The following USB1 variants were observed in gnomAD, a reference collection of about 807,000 sequenced individuals.
The protein encoded by USB1 is U6 snRNA phosphodiesterase 1.
A neutral mutation model predicts 29.9 loss-of-function variants in USB1; 21 were observed. That is an observed-to-expected ratio of 0.70 (90% CI 0.50 to 1.01). The LOEUF (loss-of-function observed/expected upper bound fraction) is 1.01. USB1 is among the 50% of genes least tolerant of loss of function. USB1 has a pLI of 0.00. For missense variants in USB1, 330 were observed against 347.1 expected (o/e 0.95, Z 0.39); for synonymous variants, 143 against 134.9 (o/e 1.06, Z -0.42).
chr16:58,014,215 T>C (rs1309405989), intron 3 of USB1, 58 bp from the exon 4 acceptor site: 2 of 1,385,396 alleles, frequency 1.4e-6, no homozygotes, highest in African/African-American at 2.9e-5. Flanking sequence ...TAACATAAGC[T>C]ATTTTTTCTG....
intron 6 of USB1, among the ~76,000 whole-genome samples, chr16:58,019,707 T>G (rs1294843391): frequency 1.3e-5 from 2 of 152,202 alleles, no homozygotes; most frequent in Non-Finnish European, 2.9e-5. Flanking sequence ...GATTTTTACA[T>G]GTAATCTGTC....
chr16:58,009,445 C>T (rs999423848), intron 2 of USB1, among the ~76,000 whole-genome samples: 93 of 152,216 alleles, frequency 6.1e-4, no homozygotes, highest in African/African-American at 2.2e-3. Flanking sequence ...GGAGGCTGGG[C>T]GCAGTGGCTC....
chr16:58,014,414 T>C (rs1461756521), intron 4 of USB1, 88 bp downstream of exon 4: 4 of 1,234,282 alleles, frequency 3.2e-6, no homozygotes, highest in African/African-American at 1.5e-5. Context: ...GTTTGTCCCA[T>C]TTTTTGTTTG....
chr16:58,009,629 G>T (rs1963443042), intron 2 of USB1, among the ~76,000 whole-genome samples: 2 of 151,808 alleles, frequency 1.3e-5, no homozygotes, highest in Admixed American at 6.6e-5. Flanking sequence ...GGAGGCTGAG[G>T]CAGGAGAATG....
intron 4 of USB1, chr16:58,017,056 G>A: frequency 4.4e-6 from 2 of 458,352 alleles, no homozygotes; most frequent in Non-Finnish European, 8.1e-6. Context: ...CTGGGTTTGT[G>A]ACTTGGCAGT....
chr16:58,010,892 A>G, intron 3 of USB1: 1 of 653,096 alleles, frequency 1.5e-6, no homozygotes, highest in East Asian at 2.7e-5. Flanking sequence ...ATTTTTACGG[A>G]GGCTTCATCA....
rs1343024330 is a variant in USB1 at position 58,017,346 on chromosome 16, G to A, written c.516G>A (p.Gly172=). The change falls in exon 5 of 7, where the codon GGG becomes GGA. Residue 172 remains glycine, a synonymous_variant. Coordinates refer to ENST00000219281, the MANE Select transcript of USB1 (RefSeq NM_024598.4). ...TTCCTCTCCCCAGGACCTTTATTGG[G>A]CTTGAGGTCACTTCAGGGCATGCCC... The part of the protein sequence containing the change: ...TNQEKTRTFI[G]LEVTSGHAQF... 9 of 1,614,062 alleles carry A rather than the reference G, an allele frequency of 5.6e-6. No individual in the cohort carries two copies. The highest frequency in any genetic ancestry group is 7.6e-6 in the Non-Finnish European group (9 of 1,180,028).
At chr16:58,018,692 T>G (rs1963674793) in intron 5 of USB1, among the ~76,000 whole-genome samples, 1 of 152,074 alleles carries the variant, frequency 6.6e-6, no homozygotes, top group Non-Finnish European at 1.5e-5. Flanking sequence ...CTAACCCTAA[T>G]TACCCCTCAA....
chr16:58,006,663 A>G (rs531066886), intron 2 of USB1, among the ~76,000 whole-genome samples: 25 of 150,022 alleles, frequency 1.7e-4, no homozygotes, highest in South Asian at 1.3e-3. Context: ...TGTCTTGGGG[A>G]AAAAAAAAAG....
intron 3 of USB1, among the ~76,000 whole-genome samples, chr16:58,010,418 A>G (rs1382592185): frequency 6.6e-6 from 1 of 152,114 alleles, no homozygotes; most frequent in Non-Finnish European, 1.5e-5. Flanking sequence ...CCAACAAATT[A>G]TCCAACTCTC....
chr16:58,006,583 C>T (rs191620988), intron 2 of USB1, among the ~76,000 whole-genome samples: 1 of 152,072 alleles, frequency 6.6e-6, no homozygotes, highest in African/African-American at 2.4e-5. Context: ...TGCTTGAACC[C>T]GGGAGGTGGA....
intron 6 of USB1, 83 bp from the exon 7 acceptor site, chr16:58,020,058 G>T: frequency 7.4e-7 from 1 of 1,350,454 alleles, no homozygotes; most frequent in Non-Finnish European, 1.1e-6. Flanking sequence ...CTCTGAAGTT[G>T]GGTGAGCTGG....
intron 3 of USB1, chr16:58,011,390 C>CT (rs1298748355): frequency 2.6e-4 from 316 of 1,194,752 alleles, no homozygotes; most frequent in Middle Eastern, 1.0e-3. Flanking sequence ...CAGCCTGGGG[C>CT]TTTTTTTTTC....
chr16:58,020,653 CCTCT>C lies in USB1; in HGVS notation c.*413_*416del, dbSNP rs371978648. The C allele has an allele frequency of 3.8e-5, 11 of 288,378 alleles. No homozygotes were observed. The highest frequency in any genetic ancestry group is 2.3e-4 in the African/African-American group (10 of 43,290). 17.9% of individuals were successfully genotyped at this position (288,378 alleles called of 1,614,324 possible). A position where few individuals can be genotyped will look rare whatever the true frequency, so the allele number is the denominator to read the frequency against. On this transcript the variant is annotated 3_prime_UTR_variant, in exon 7 of 7. Transcript: ENST00000219281. ...CTTCCTCTCCTCTCTCTCTTCCTCTCCTCTCTCTTCCCTTCCTGTCTCTCTTCCC... is the reference window on the plus strand; with the variant it reads ...CTTCCTCTCCTCTCTCTCTTCCTCTCCTCTTCCCTTCCTGTCTCTCTTCCC...
intron 2 of USB1, among the ~76,000 whole-genome samples, chr16:58,005,409 G>A (rs1597045129): frequency 2.0e-5 from 3 of 152,260 alleles, no homozygotes; most frequent in South Asian, 4.1e-4. Flanking sequence ...CTTCCCAGAC[G>A]CTGGCATTAC....
chr16:58,019,917 T>G lies in USB1; in HGVS notation c.694-224T>G, dbSNP rs28504996. ...GGCCTGGTTTTATTGGTTTCTGTGA[T>G]CCAGGGCTCTGAGCATCTGTGTCCT... On this transcript the variant is annotated intron_variant, in intron 6 of 6. Transcript: ENST00000219281. 0.013 allele frequency among the ~76,000 whole-genome samples: 1,979 copies of G among 152,212 alleles called. 43 individuals are homozygous for G. Among genetic ancestry groups the G allele is most frequent in the African/African-American group, 0.046 (1,894 of 41,516 alleles).
At position 58,010,279 on chromosome 16, in the gene USB1, A is replaced by G. The variant is rs1963463414; in HGVS notation, c.449+167A>G. 31 of 794,490 alleles carry G rather than the reference A, an allele frequency of 3.9e-5. No individual in the cohort carries two copies. In the South Asian group the frequency reaches 5.3e-4, roughly 14 times the overall value. 49.2% of individuals were successfully genotyped at this position (794,490 alleles called of 1,614,324 possible). On this transcript the variant is annotated intron_variant, in intron 3 of 6. Coordinates refer to ENST00000219281, the MANE Select transcript of USB1 (RefSeq NM_024598.4). Reference sequence around the variant, plus strand: ...CTTCTCATCCTCCGTGACCTTGGGCATGCCGTGGAAGCTCTTGACACCCCT... The same window carrying G: ...CTTCTCATCCTCCGTGACCTTGGGCGTGCCGTGGAAGCTCTTGACACCCCT...
intron 2 of USB1, among the ~76,000 whole-genome samples, chr16:58,003,311 C>T (rs982565246): frequency 5.9e-5 from 9 of 152,124 alleles, no homozygotes; most frequent in Admixed American, 2.6e-4. Flanking sequence ...CCTATGGTTC[C>T]CACTACTTGA....
chr16:58,010,071 C>A lies in USB1; in HGVS notation c.408C>A (p.Pro136=), dbSNP rs1330728394. The A allele has an allele frequency of 5.0e-6, 8 of 1,614,060 alleles. No individual in the cohort carries two copies. In the African/African-American group the frequency reaches 8.0e-5, roughly 16 times the overall value. ...TTCTGCGCCACCACTGGATCCTCCCCTTCGTGCAGGCTCTGAAAGCCCGTA... is the reference window on the plus strand; with the variant it reads ...TTCTGCGCCACCACTGGATCCTCCCATTCGTGCAGGCTCTGAAAGCCCGTA... ...SVVLRHHWIL[P]FVQALKARMT... Residue 136 remains proline, a synonymous_variant, in exon 3 of 7, where the codon CCC becomes CCA. Coordinates refer to ENST00000219281, the MANE Select transcript of USB1 (RefSeq NM_024598.4).
Sources: gnomAD v4.1 joint callset for allele counts (sites outside exome capture counted in the v4.1 genomes callset) on GRCh38, gnomAD v4.1.1 for gene constraint, MANE v1.5 for transcripts, NCBI Gene and HGNC (gene_info 2026-07-23, HGNC 2026-07-21) for gene names.